The following DIPK1A variants were observed in gnomAD, a reference collection of about 807,000 sequenced individuals.
DIPK1A encodes the protein family with sequence similarity 69 member A.
DIPK1A carries 27 observed loss-of-function variants against 40.8 expected under a neutral mutation model. The observed-to-expected ratio is 0.66, with a 90% CI of 0.49 to 0.91. The LOEUF (loss-of-function observed/expected upper bound fraction) is 0.91. Among genes scored for constraint, DIPK1A ranks in the 40% least tolerant of loss-of-function variants. The pLI, the probability that DIPK1A is intolerant of heterozygous loss-of-function variation, is 0.00. For missense variants in DIPK1A, 412 were observed against 505.7 expected (o/e 0.81, Z 1.78); for synonymous variants, 166 against 171.3 (o/e 0.97, Z 0.24).
chr1:92,882,208 T>G (rs1340387610), intron 1 of DIPK1A, among the ~76,000 whole-genome samples: 1 of 152,104 alleles, frequency 6.6e-6, no homozygotes, highest in East Asian at 1.9e-4. Flanking sequence ...GCCAACATGG[T>G]GAAACCCCAC....
intron 3 of DIPK1A, among the ~76,000 whole-genome samples, chr1:92,849,338 G>GTT (rs147555240): frequency 2.0e-5 from 3 of 148,732 alleles, no homozygotes; most frequent in African/African-American, 2.5e-5. Flanking sequence ...ATCTTGTCTG[G>GTT]TTTTTTTTTG....
downstream of DIPK1A, chr1:92,841,944 T>C (rs1405305425): frequency 1.0e-5 from 12 of 1,201,256 alleles, no homozygotes; most frequent in African/African-American, 1.5e-5. Context: ...TAAGCTCTTA[T>C]TCTTATGAAC....
intron 1 of DIPK1A, among the ~76,000 whole-genome samples, chr1:92,944,283 AAAG>A (rs1372680429): frequency 6.6e-6 from 1 of 152,190 alleles, no homozygotes; most frequent in Non-Finnish European, 1.5e-5. Flanking sequence ...AACAGAGGAA[AAAG>A]AAGGGAGAAA....
intron 1 of DIPK1A, among the ~76,000 whole-genome samples, chr1:92,919,437 C>G (rs80089574): frequency 0.012 from 1,900 of 152,256 alleles, 21 homozygotes; most frequent in Non-Finnish European, 0.022. Flanking sequence ...TTCTCTAGGC[C>G]TTTGCATATT....
intron 1 of DIPK1A, among the ~76,000 whole-genome samples, chr1:92,940,366 T>C (rs1246768359): frequency 3.3e-5 from 5 of 152,248 alleles, no homozygotes; most frequent in Non-Finnish European, 5.9e-5. Context: ...AAAATAGGCA[T>C]TTAAAGCCAA....
At chr1:92,884,863 C>A (rs1648525844) in intron 1 of DIPK1A, among the ~76,000 whole-genome samples, 2 of 152,168 alleles carry the variant, frequency 1.3e-5, no homozygotes, top group Admixed American at 6.5e-5. Context: ...ATTAATATAA[C>A]AATTTTCAAC....
chr1:92,876,693 C>T (rs994862383), intron 1 of DIPK1A, among the ~76,000 whole-genome samples: 5 of 152,138 alleles, frequency 3.3e-5, no homozygotes, highest in Admixed American at 2.6e-4. Context: ...TCATCCAAAG[C>T]TACTTTTTAG....
At chr1:92,840,912 G>A (rs973453776), downstream of DIPK1A, 1 of 555,356 alleles carries the variant, frequency 1.8e-6, no homozygotes, top group African/African-American at 1.9e-5. Context: ...GATCTTTCAT[G>A]TTTTGATCTT....
At chr1:92,899,791 C>T (rs749499431) in intron 1 of DIPK1A, among the ~76,000 whole-genome samples, 40 of 152,136 alleles carry the variant, frequency 2.6e-4, no homozygotes, top group Non-Finnish European at 5.1e-4. Flanking sequence ...AGAGATAAGA[C>T]TTCCTTAAGT....
At chr1:92,865,207 T>G (rs1056403095) in intron 2 of DIPK1A, among the ~76,000 whole-genome samples, 2 of 151,430 alleles carry the variant, frequency 1.3e-5, no homozygotes, top group African/African-American at 4.9e-5. Context: ...AATAAAAATT[T>G]TAAAAATTAG....
At chr1:92,860,646 A>AAAAAAAAAAGCC (rs148916481) in intron 2 of DIPK1A, among the ~76,000 whole-genome samples, 1 of 105,212 alleles carries the variant, frequency 9.5e-6, no homozygotes, top group African/African-American at 3.7e-5. Context: ...AAAAAAAAAA[A>AAAAAAAAAAGCC]TGGTGGTGTG....
chr1:92,857,876 A>C (rs1008433781), intron 2 of DIPK1A, among the ~76,000 whole-genome samples: 1 of 152,102 alleles, frequency 6.6e-6, no homozygotes, highest in Non-Finnish European at 1.5e-5. Flanking sequence ...AACCAGGATT[A>C]TTTATGTTGG....
At chr1:92,935,832 C>T (rs1557492027) in intron 1 of DIPK1A, among the ~76,000 whole-genome samples, 1 of 152,032 alleles carries the variant, frequency 6.6e-6, no homozygotes, top group Non-Finnish European at 1.5e-5. Context: ...TCTGTAATCC[C>T]AGCACTTTGG....
At chr1:92,894,539 C>T (rs1260248430) in intron 1 of DIPK1A, among the ~76,000 whole-genome samples, 2 of 152,018 alleles carry the variant, frequency 1.3e-5, no homozygotes, top group Non-Finnish European at 2.9e-5. Context: ...TAAATGCCCA[C>T]AAGAGAAAGC....
intron 2 of DIPK1A, among the ~76,000 whole-genome samples, chr1:92,857,950 T>C (rs1383416315): frequency 6.6e-6 from 1 of 152,140 alleles, no homozygotes; most frequent in Non-Finnish European, 1.5e-5. Context: ...GTGCACCCAC[T>C]AAAGGTGTCT....
intron 4 of DIPK1A, chr1:92,846,545 TAATG>T (rs1475667074): frequency 1.2e-5 from 5 of 422,540 alleles, no homozygotes; most frequent in Admixed American, 2.7e-5. Flanking sequence ...TCCAATTAAT[TAATG>T]AACTCCCTCC....
chr1:92,941,141 T>C (rs1294290430), intron 1 of DIPK1A, among the ~76,000 whole-genome samples: 1 of 152,216 alleles, frequency 6.6e-6, no homozygotes, highest in Non-Finnish European at 1.5e-5. Context: ...TATCAATTTT[T>C]CCTTTATGAA....
chr1:92,900,547 G>T (rs1231356339), intron 1 of DIPK1A, among the ~76,000 whole-genome samples: 1 of 151,916 alleles, frequency 6.6e-6, no homozygotes, highest in African/African-American at 2.4e-5. Context: ...TTCTTGTATT[G>T]TATCTCAATG....
At chr1:92,947,745 G>C (rs544142755) in intron 1 of DIPK1A, among the ~76,000 whole-genome samples, 1 of 152,158 alleles carries the variant, frequency 6.6e-6, no homozygotes, top group Non-Finnish European at 1.5e-5. Context: ...TGTCTTTCAC[G>C]GCAATATGGA....
Sources: gnomAD v4.1 joint callset for allele counts (sites outside exome capture counted in the v4.1 genomes callset) on GRCh38, gnomAD v4.1.1 for gene constraint, MANE v1.5 for transcripts, NCBI Gene and HGNC (gene_info 2026-07-23, HGNC 2026-07-21) for gene names.